Variants in PRPSAP1 observed in about 807,000 individuals in gnomAD.
The protein encoded by PRPSAP1 is phosphoribosyl pyrophosphate synthase-associated protein 1.
In PRPSAP1, 31 loss-of-function variants were observed where a neutral mutation model predicts 39.4. The ratio of observed to expected loss-of-function variants is 0.79; its 90% CI spans 0.59 to 1.06. The LOEUF (loss-of-function observed/expected upper bound fraction) is 1.06. PRPSAP1 is among the 50% of genes least tolerant of loss of function. The pLI is 0.00. For synonymous variants in PRPSAP1, 212 were observed against 192.6 expected (o/e 1.10, Z -0.83); for missense variants, 430 against 511.6 (o/e 0.84, Z 1.54).
At chr17:76,345,063 G>A (rs1047211922) in intron 2 of PRPSAP1, among the ~76,000 whole-genome samples, 27 of 151,542 alleles carry the variant, frequency 1.8e-4, no homozygotes, top group African/African-American at 3.9e-4. Flanking sequence ...GTGAAACCCC[G>A]TCTCTACTAA....
intron 1 of PRPSAP1, among the ~76,000 whole-genome samples, chr17:76,349,811 C>A (rs575204906): frequency 6.6e-6 from 1 of 151,396 alleles, no homozygotes; most frequent in East Asian, 1.9e-4. Context: ...CCAGGCCAGG[C>A]GCAGTGGTTC....
chr17:76,330,306 C>A, intron 5 of PRPSAP1: 1 of 596,090 alleles, frequency 1.7e-6, no homozygotes, highest in Non-Finnish European at 2.9e-6. Context: ...AAAAATAATT[C>A]TTAAAACATT....
chr17:76,353,719 G>A lies in PRPSAP1; in HGVS notation c.-16C>T, dbSNP rs902120996. ...TCTTGGGCATCGTCCGGCCCGCGGC[G>A]CGGTTACGACCGGCCCCGCGCGGGG... On this transcript the variant is annotated 5_prime_UTR_variant, in exon 1 of 10. Coordinates refer to ENST00000446526, the MANE Select transcript of PRPSAP1 (RefSeq NM_002766.3). 1.2e-5 allele frequency: 17 copies of A among 1,453,030 alleles called. No individual in the cohort carries two copies. Among genetic ancestry groups the A allele is most frequent in the Non-Finnish European group, 1.5e-5 (17 of 1,110,822 alleles). The allele number at this position is 1,453,030 out of a possible 1,614,324, so 90.0% of individuals were successfully genotyped here.
chr17:76,347,998 T>A (rs2071528574), intron 2 of PRPSAP1, among the ~76,000 whole-genome samples: 1 of 151,930 alleles, frequency 6.6e-6, no homozygotes, highest in Non-Finnish European at 1.5e-5. Flanking sequence ...AAGGAAGCAG[T>A]AGTAAGAAAA....
intron 3 of PRPSAP1, among the ~76,000 whole-genome samples, chr17:76,340,917 G>T (rs897456126): frequency 6.9e-6 from 1 of 144,724 alleles, no homozygotes. Context: ...AAAAAAAAAA[G>T]CGGGGGGTAG....
chr17:76,322,333 T>C (rs374996580), intron 7 of PRPSAP1, among the ~76,000 whole-genome samples: 17 of 152,238 alleles, frequency 1.1e-4, no homozygotes, highest in Non-Finnish European at 1.9e-4. Flanking sequence ...GAGGTGAAGA[T>C]TGCACTAAGC....
intron 7 of PRPSAP1, among the ~76,000 whole-genome samples, chr17:76,324,361 G>A (rs576464282): frequency 6.6e-6 from 1 of 152,096 alleles, no homozygotes; most frequent in East Asian, 1.9e-4. Context: ...CACTTTGGGA[G>A]GCTAAGGCGG....
At chr17:76,346,509 T>C (rs534729756) in intron 2 of PRPSAP1, among the ~76,000 whole-genome samples, 3 of 152,310 alleles carry the variant, frequency 2.0e-5, no homozygotes, top group African/African-American at 7.2e-5. Flanking sequence ...GACCCCCCCA[T>C]AATTGATTAC....
intron 6 of PRPSAP1, 76 bp from the exon 7 acceptor site, chr17:76,328,938 T>A: frequency 1.4e-6 from 2 of 1,461,334 alleles, no homozygotes; most frequent in Non-Finnish European, 1.9e-6. Context: ...TTTTTAACCA[T>A]AAAATGAAAA....
At position 76,353,789 on chromosome 17, in the gene PRPSAP1, G is replaced by A. The variant is rs1469266675; in HGVS notation, c.-86C>T. ...GACTGCGAGACCCCGGTTTGGGTGGGGAAGGCGCTGAGAAACTCGGCGCAA... is the reference window on the plus strand; with the variant it reads ...GACTGCGAGACCCCGGTTTGGGTGGAGAAGGCGCTGAGAAACTCGGCGCAA... On this transcript the variant is annotated 5_prime_UTR_variant, in exon 1 of 10. Transcript: ENST00000446526. 5.7e-6 allele frequency: 8 copies of A among 1,392,248 alleles called. No individual in the cohort carries two copies. In the East Asian group the frequency reaches 2.1e-4, roughly 36 times the overall value. The allele number at this position is 1,392,248 out of a possible 1,614,324, so 86.2% of individuals were successfully genotyped here. A position where few individuals can be genotyped will look rare whatever the true frequency, so the allele number is the denominator to read the frequency against.
chr17:76,322,905 G>A (rs1160928669), intron 7 of PRPSAP1, among the ~76,000 whole-genome samples: 1 of 151,960 alleles, frequency 6.6e-6, no homozygotes, highest in Non-Finnish European at 1.5e-5. Flanking sequence ...GAGGTGGGAG[G>A]ATCACCTGAG....
In PRPSAP1 at chr17:76,333,251, T is replaced by C. The variant is rs138738976; in HGVS notation, c.291-816A>G. Among the ~76,000 whole-genome samples the C allele has an allele frequency of 7.3e-3, 1,110 of 152,176 alleles. 15 individuals are homozygous for C. Among genetic ancestry groups the C allele is most frequent in the African/African-American group, 0.026 (1,064 of 41,534 alleles). The stretch of plus-strand genomic sequence containing the variant: ...TCATCCTCCCGAGTAACTGGGATTA[T>C]AGGCGTGCACCACCACACGTGGCTA... On this transcript the variant is annotated intron_variant, in intron 3 of 9. Transcript: ENST00000446526.
intron 2 of PRPSAP1, among the ~76,000 whole-genome samples, chr17:76,347,081 A>G (rs2071511077): frequency 6.6e-6 from 1 of 152,006 alleles, no homozygotes; most frequent in Non-Finnish European, 1.5e-5. Context: ...GCTGGAAAAA[A>G]GGGCCTCACT....
At chr17:76,317,044 A>G (rs187130673) in intron 7 of PRPSAP1, among the ~76,000 whole-genome samples, 105 of 152,382 alleles carry the variant, frequency 6.9e-4, no homozygotes, top group Middle Eastern at 3.4e-3. Flanking sequence ...ATGAAATGTC[A>G]AACCATATCA....
At chr17:76,332,605 T>C (rs383048) in intron 3 of PRPSAP1, among the ~76,000 whole-genome samples, 170 bp from the exon 4 acceptor site, 47,016 of 152,060 alleles carry the variant, frequency 0.31, 8,513 homozygotes, top group African/African-American at 0.5. Flanking sequence ...TTCTGACTTT[T>C]TGTAGCTGAG....
At chr17:76,313,740 G>T in intron 8 of PRPSAP1, 81 bp downstream of exon 8, 1 of 1,461,918 alleles carries the variant, frequency 6.8e-7, no homozygotes, top group Non-Finnish European at 9.6e-7. Context: ...ATCGTTCCTA[G>T]AAATACAGTC....
chr17:76,335,774 G>A (rs890852443), intron 3 of PRPSAP1, among the ~76,000 whole-genome samples: 2 of 152,114 alleles, frequency 1.3e-5, no homozygotes, highest in African/African-American at 4.8e-5. Context: ...ATTGCTTGAA[G>A]CCAGGAGTTT....
intron 2 of PRPSAP1, among the ~76,000 whole-genome samples, chr17:76,344,958 G>A (rs1266608688): frequency 1.3e-5 from 2 of 152,014 alleles, no homozygotes; most frequent in African/African-American, 4.8e-5. Context: ...AGAATTAGCT[G>A]GGCGCGGTGG....
intron 7 of PRPSAP1, among the ~76,000 whole-genome samples, chr17:76,327,775 T>A (rs1343143431): frequency 6.6e-6 from 1 of 152,218 alleles, no homozygotes; most frequent in African/African-American, 2.4e-5. Context: ...CACATACAAC[T>A]TTTTTACTGA....
Sources: allele counts gnomAD v4.1 joint callset (sites outside exome capture counted in the v4.1 genomes callset), GRCh38; gene constraint gnomAD v4.1.1; transcripts MANE v1.5; gene names NCBI Gene and HGNC (gene_info 2026-07-23, HGNC 2026-07-21).